CXCR5: variants seen among roughly 807,000 people sequenced by gnomAD.
CXCR5 encodes the protein C-X-C motif chemokine receptor 5, also known as C-X-C chemokine receptor type 5.
CXCR5 carries 3 observed loss-of-function variants against 5.6 expected under a neutral mutation model. That is an observed-to-expected ratio of 0.54 (90% CI 0.24 to 1.39). The LOEUF (loss-of-function observed/expected upper bound fraction) is 1.39, where lower values mean the gene tolerates loss of function less well. CXCR5 is among the 40% of genes most tolerant of loss of function. The pLI, the probability that CXCR5 is intolerant of heterozygous loss-of-function variation, is 0.16. For missense variants in CXCR5, 333 were observed against 494.6 expected (o/e 0.67, Z 3.10); for synonymous variants, 218 against 219.9 (o/e 0.99, Z 0.08).
At chr11:118,884,752 C>T (rs1486386292) in intron 1 of CXCR5, among the ~76,000 whole-genome samples, 2 of 152,200 alleles carry the variant, frequency 1.3e-5, no homozygotes. Flanking sequence ...ACTACGCTGC[C>T]ACCACTCAAG....
rs1939908816 is a variant in CXCR5 at position 118,896,076 on chromosome 11, C to G, written c.*1413C>G. The G allele has an allele frequency of 6.0e-6, 1 of 167,036 alleles. No homozygotes were observed. The highest frequency in any genetic ancestry group is 2.1e-4 in the South Asian group (1 of 4,828). The allele number at this position is 167,036 out of a possible 1,614,324, so 10.3% of individuals were successfully genotyped here. A position where few individuals can be genotyped will look rare whatever the true frequency, so the allele number is the denominator to read the frequency against. ...AGACGTCCCTTTTTTCTCTGAGTAT[C>G]TCCTCGCAAGCTGGGTAATCGATGG... On this transcript the variant is annotated 3_prime_UTR_variant, in exon 2 of 2. Transcript: ENST00000292174.
intron 1 of CXCR5, among the ~76,000 whole-genome samples, chr11:118,890,576 G>A (rs1565605809): frequency 6.6e-6 from 1 of 152,042 alleles, no homozygotes; most frequent in African/African-American, 2.4e-5. Context: ...TTGGAGACAG[G>A]AATGTGTTGG....
At chr11:118,891,273 G>A (rs1212816948) in intron 1 of CXCR5, among the ~76,000 whole-genome samples, 1 of 152,146 alleles carries the variant, frequency 6.6e-6, no homozygotes, top group Non-Finnish European at 1.5e-5. Flanking sequence ...AAAGTGCTGG[G>A]AGCCACTGTG....
intron 1 of CXCR5, among the ~76,000 whole-genome samples, chr11:118,892,363 G>A (rs558973673): frequency 6.6e-6 from 1 of 152,166 alleles, no homozygotes; most frequent in Non-Finnish European, 1.5e-5. Flanking sequence ...CCTTGTGGGG[G>A]TGCCTTGCTC....
chr11:118,887,895 G>A (rs1342326323), intron 1 of CXCR5, among the ~76,000 whole-genome samples: 4 of 152,122 alleles, frequency 2.6e-5, no homozygotes, highest in East Asian at 1.9e-4. Context: ...CACCTCCCGC[G>A]GCCAGCATGA....
chr11:118,893,740 G>C lies in CXCR5; in HGVS notation c.196G>C (p.Val66Leu). 1.9e-6 allele frequency: 3 copies of C among 1,614,172 alleles called. No homozygotes were observed. Among genetic ancestry groups the C allele is most frequent in the Non-Finnish European group, 2.5e-6 (3 of 1,180,022 alleles). ...CTACAGCCTCATCTTCCTCCTGGGC[G>C]TGATCGGCAACGTCCTGGTGCTGGT... Reference protein sequence around the residue: ...VAYSLIFLLGVIGNVLVLVIL... With the variant: ...VAYSLIFLLGLIGNVLVLVIL... The change falls in exon 2 of 2, where the codon GTG becomes CTG. Residue 66 changes from valine (V) to leucine (L), a missense_variant. Transcript: ENST00000292174. This position sits in a 1 kb window ranked among gnomAD's most constrained non-coding sequence, Gnocchi z 5.7.
In CXCR5 at chr11:118,893,446, CAA is replaced by C. The variant is rs1939843125; in HGVS notation, c.52-148_52-147del. The C allele has an allele frequency of 1.4e-6, 2 of 1,414,416 alleles. No individual in the cohort carries two copies. The highest frequency in any genetic ancestry group is 1.8e-6 in the Non-Finnish European group (2 of 1,083,550). 87.6% of individuals were successfully genotyped at this position (1,414,416 alleles called of 1,614,324 possible). The stretch of plus-strand genomic sequence containing the variant: ...GGCGAAAAACTGAAGTTGGAAAAGA[CAA>C]AGTGATTTGTTCAAAATTGAAATTT... On this transcript the variant is annotated intron_variant, in intron 1 of 1. Transcript: ENST00000292174. The surrounding 1 kb of genome is among the most constrained non-coding windows in gnomAD (Gnocchi z 5.7).
At chr11:118,887,159 T>A (rs1427339764) in intron 1 of CXCR5, 2 of 823,198 alleles carry the variant, frequency 2.4e-6, no homozygotes, top group East Asian at 2.5e-4. Context: ...AACTGCAGAG[T>A]CTCCGTCAGG....
At position 118,894,610 on chromosome 11, in the gene CXCR5, C is replaced by A; in HGVS notation, c.1066C>A (p.Arg356Ser). Residue 356 changes from arginine (R) to serine (S), a missense_variant, in exon 2 of 2, where the codon CGC (arginine) becomes AGC (serine). By Grantham distance (110) the Arg-to-Ser change is moderately radical. Transcript: ENST00000292174. The surrounding 1 kb of genome is among the most constrained non-coding windows in gnomAD (Gnocchi z 6.1). ...ASLCQLFPSW[R>S]RSSLSESENA... ...CCTGTGCCAGCTCTTCCCTAGCTGG[C>A]GCAGGAGCAGTCTCTCTGAGTCAGA... 1 of 1,520,504 alleles carries A rather than the reference C, an allele frequency of 6.6e-7. No individual in the cohort carries two copies. The highest frequency in any genetic ancestry group is 8.8e-7 in the Non-Finnish European group (1 of 1,134,462). 94.2% of individuals were successfully genotyped at this position (1,520,504 alleles called of 1,614,324 possible). A position where few individuals can be genotyped will look rare whatever the true frequency, so the allele number is the denominator to read the frequency against.
Position 118,895,930 on chromosome 11 carries a change from G to A in CXCR5, c.*1267G>A, listed in dbSNP as rs988889457. 1 of 167,054 alleles carries A rather than the reference G, an allele frequency of 6.0e-6. No homozygotes were observed. The highest frequency in any genetic ancestry group is 2.4e-5 in the African/African-American group (1 of 41,440). The allele number at this position is 167,054 out of a possible 1,614,324, so 10.3% of individuals were successfully genotyped here. Reference sequence around the variant, plus strand: ...AGCCTTTGATCAGGTGGGGAGTCAGGGACCCCTGCCCTTGTCCCACTCAAG... The same window carrying A: ...AGCCTTTGATCAGGTGGGGAGTCAGAGACCCCTGCCCTTGTCCCACTCAAG... On this transcript the variant is annotated 3_prime_UTR_variant, in exon 2 of 2. Coordinates refer to ENST00000292174, the MANE Select transcript of CXCR5 (RefSeq NM_001716.5). The surrounding 1 kb of genome is among the most constrained non-coding windows in gnomAD (Gnocchi z 4.2).
intron 1 of CXCR5, among the ~76,000 whole-genome samples, chr11:118,884,566 C>T (rs1939680586): frequency 6.6e-6 from 1 of 152,176 alleles, no homozygotes; most frequent in South Asian, 2.1e-4. Flanking sequence ...ATGTGCTAAA[C>T]TGAGGGAATG....
At chr11:118,884,162 T>C (rs993824443) in intron 1 of CXCR5, among the ~76,000 whole-genome samples, 170 bp downstream of exon 1, 2 of 152,192 alleles carry the variant, frequency 1.3e-5, no homozygotes, top group African/African-American at 4.8e-5. Flanking sequence ...TTTTCCATTC[T>C]GTGGAAGAAG....
intron 1 of CXCR5, among the ~76,000 whole-genome samples, chr11:118,884,931 C>T (rs1939687678): frequency 6.6e-6 from 1 of 152,136 alleles, no homozygotes; most frequent in African/African-American, 2.4e-5. Context: ...TCTTTTCTCC[C>T]CCTGGAGAGA....
chr11:118,887,813 C>G (rs1005652814), intron 1 of CXCR5: 3 of 152,606 alleles, frequency 2.0e-5, no homozygotes, highest in African/African-American at 7.2e-5. Context: ...AATATCCACA[C>G]AGGGACATAA....
chr11:118,892,965 C>T (rs978219718), intron 1 of CXCR5, among the ~76,000 whole-genome samples: 4 of 152,172 alleles, frequency 2.6e-5, no homozygotes, highest in African/African-American at 7.2e-5. Context: ...AGTAGATAAA[C>T]GTCGGTTCAC....
In CXCR5 at chr11:118,896,108, C is replaced by A. The variant is rs1462514101; in HGVS notation, c.*1445C>A. 1 of 166,992 alleles carries A rather than the reference C, an allele frequency of 6.0e-6. No homozygotes were observed. Among genetic ancestry groups the A allele is most frequent in the Non-Finnish European group, 1.5e-5 (1 of 68,128 alleles). The allele number at this position is 166,992 out of a possible 1,614,324, so 10.3% of individuals were successfully genotyped here. On this transcript the variant is annotated 3_prime_UTR_variant, in exon 2 of 2. Coordinates refer to ENST00000292174, the MANE Select transcript of CXCR5 (RefSeq NM_001716.5). ...CAAGCTGGGTAATCGATGGGGGAGTCTGAAGCAGATGCAAAGAGGCAAGAG... is the reference window on the plus strand; with the variant it reads ...CAAGCTGGGTAATCGATGGGGGAGTATGAAGCAGATGCAAAGAGGCAAGAG...
intron 1 of CXCR5, among the ~76,000 whole-genome samples, chr11:118,888,634 A>G (rs1362554071): frequency 6.6e-6 from 1 of 152,020 alleles, no homozygotes; most frequent in Middle Eastern, 3.2e-3. Context: ...TAGGTGACAA[A>G]CTCCCAAGTC....
At position 118,894,165 on chromosome 11, in the gene CXCR5, G is replaced by A. The variant is rs759889292; in HGVS notation, c.621G>A (p.Glu207=). The change falls in exon 2 of 2, where the codon GAG becomes GAA. Residue 207 remains glutamate, a synonymous_variant. Coordinates refer to ENST00000292174, the MANE Select transcript of CXCR5 (RefSeq NM_001716.5). This position sits in a 1 kb window ranked among gnomAD's most constrained non-coding sequence, Gnocchi z 6.1. ...NSLPRCTFSQ[E]NQAETHAWFT... is the part of the protein sequence containing the mutation. ...TGCCACGTTGCACCTTCTCCCAAGA[G>A]AACCAAGCAGAAACGCATGCCTGGT... 1 of 1,614,058 alleles carries A rather than the reference G, an allele frequency of 6.2e-7. No homozygotes were observed. Among genetic ancestry groups the A allele is most frequent in the Admixed American group, 1.7e-5 (1 of 60,026 alleles).
rs1395917505 is a variant in CXCR5, at chr11:118,894,025, C to T, written c.481C>T (p.Arg161Cys). The part of the protein sequence containing the change: ...IVHAVHAYRH[R>C]RLLSIHITCG... ...CCACGCCGTCCATGCCTACCGCCACCGCCGCCTCCTCTCCATCCACATCAC... is the reference window on the plus strand; with the variant it reads ...CCACGCCGTCCATGCCTACCGCCACTGCCGCCTCCTCTCCATCCACATCAC... The change falls in exon 2 of 2, where the codon CGC (arginine) becomes TGC (cysteine). Residue 161 changes from arginine to cysteine, a missense_variant. Physicochemically the swap from Arg to Cys is radical, Grantham distance 180. Transcript: ENST00000292174. This position sits in a 1 kb window ranked among gnomAD's most constrained non-coding sequence, Gnocchi z 6.1. The T allele has an allele frequency of 1.9e-6, 3 of 1,613,774 alleles. No individual in the cohort carries two copies. The highest frequency in any genetic ancestry group is 2.2e-5 in the East Asian group (1 of 44,854).
Sources: allele counts gnomAD v4.1 joint callset (sites outside exome capture counted in the v4.1 genomes callset), GRCh38; gene constraint gnomAD v4.1.1; non-coding constraint Gnocchi (gnomAD v3.1); transcripts MANE v1.5; gene names NCBI Gene and HGNC (gene_info 2026-07-23, HGNC 2026-07-21).